Variants in RPS6KA3 observed in about 807,000 individuals in gnomAD.
RPS6KA3 encodes ribosomal protein S6 kinase alpha-3.
In RPS6KA3, 4 loss-of-function variants were observed where a neutral mutation model predicts 67.2. The ratio of observed to expected loss-of-function variants is 0.06; its 90% CI spans 0.03 to 0.14. RPS6KA3 has a LOEUF of 0.14. Ranked by LOEUF, RPS6KA3 falls within the 10% of genes least tolerant of loss-of-function variation. The pLI, the probability that RPS6KA3 is intolerant of heterozygous loss-of-function variation, is 1.00. For synonymous variants in RPS6KA3, 182 were observed against 183.7 expected (o/e 0.99, Z 0.07); for missense variants, 204 against 559.0 (o/e 0.36, Z 6.40).
At chrX:20,202,056 T>G (rs1345043803) in intron 4 of RPS6KA3, among the ~76,000 whole-genome samples, 2 of 103,154 alleles carry the variant, frequency 1.9e-5, no homozygotes, top group East Asian at 6.2e-4. Context: ...CCCGGCTCAC[T>G]GCAACCTCCG....
intron 2 of RPS6KA3, among the ~76,000 whole-genome samples, chrX:20,232,322 C>G (rs185179042): frequency 8.9e-6 from 1 of 112,511 alleles, no homozygotes; most frequent in East Asian, 2.8e-4. Context: ...CGCCTGTAAT[C>G]CCAGCACTTT....
Position 20,187,944 on chromosome X carries a change from C to T in RPS6KA3, c.658G>A (p.Asp220Asn), listed in dbSNP as rs1163126922. 1 of 1,204,728 alleles carries T rather than the reference C, an allele frequency of 8.3e-7. No individual in the cohort carries two copies. Among genetic ancestry groups the T allele is most frequent in the African/African-American group, 1.7e-5 (1 of 57,149 alleles). Residue 220 changes from aspartate to asparagine, a missense_variant, in exon 9 of 22, where the codon GAC (aspartate) becomes AAC (asparagine). Physicochemically the swap from Asp to Asn is conservative, Grantham distance 23. This residue lies in a region of RPS6KA3 where 76 missense variants were observed against 250.3 expected (regional missense o/e 0.30). Transcript: ENST00000379565. ...TDFGLSKESI[D>N]HEKKAYSFCG... ...AAAGAATATGCCTTCTTTTCATGGT[C>T]AATAGACTCTTTACTTAGGCCGAAA...
At chrX:20,203,732 T>A (rs1431714557) in intron 4 of RPS6KA3, 2 of 237,041 alleles carry the variant, frequency 8.4e-6, no homozygotes, top group Non-Finnish European at 1.5e-5. Flanking sequence ...AAAATAAATA[T>A]ATAAATTTGA....
intron 1 of RPS6KA3, among the ~76,000 whole-genome samples, chrX:20,248,471 A>G (rs1048286404): frequency 9.0e-6 from 1 of 110,968 alleles, no homozygotes; most frequent in East Asian, 2.8e-4. Context: ...AGACACTTTA[A>G]TGCTTTTTAA....
chrX:20,217,069 T>C (rs2068874686), intron 2 of RPS6KA3, among the ~76,000 whole-genome samples: 1 of 112,010 alleles, frequency 8.9e-6, no homozygotes, highest in South Asian at 3.7e-4. Context: ...AACATATACT[T>C]TTACAATTCT....
At chrX:20,232,057 G>A (rs1470665717) in intron 2 of RPS6KA3, among the ~76,000 whole-genome samples, 1 of 111,917 alleles carries the variant, frequency 8.9e-6, no homozygotes, top group Admixed American at 9.4e-5. Flanking sequence ...AATAAATAGA[G>A]GTTAGGATAA....
At chrX:20,157,875 G>A (rs938125331) in intron 20 of RPS6KA3, among the ~76,000 whole-genome samples, 3 of 111,564 alleles carry the variant, frequency 2.7e-5, no homozygotes, top group Non-Finnish European at 1.9e-5. Context: ...TAAATTTACC[G>A]TGAAGGAGAA....
intron 10 of RPS6KA3, among the ~76,000 whole-genome samples, chrX:20,183,082 C>T (rs1166629001): frequency 2.7e-5 from 3 of 111,120 alleles, no homozygotes; most frequent in African/African-American, 9.8e-5. Context: ...TCTGTCAGAT[C>T]CCTAAGTCTC....
intron 7 of RPS6KA3, 25 bp from the exon 8 acceptor site, chrX:20,188,559 T>C: frequency 1.2e-6 from 1 of 821,992 alleles, no homozygotes; most frequent in East Asian, 3.2e-5. Flanking sequence ...GAAAATCTTT[T>C]AAGAACACTA....
At chrX:20,186,843 A>AT (rs2067996468) in intron 9 of RPS6KA3, among the ~76,000 whole-genome samples, 1 of 110,734 alleles carries the variant, frequency 9.0e-6, no homozygotes, top group Non-Finnish European at 1.9e-5. Flanking sequence ...GAACTTATTT[A>AT]TTTTTTTTGA....
chrX:20,155,237 C>G lies in RPS6KA3; in HGVS notation c.*161G>C, dbSNP rs991805052. ...CTAACTTGCTAACAATCATTTAAAGCGAGAAGAGAGGAAAGCAGGAGCAGC... is the reference window on the plus strand; with the variant it reads ...CTAACTTGCTAACAATCATTTAAAGGGAGAAGAGAGGAAAGCAGGAGCAGC... On this transcript the variant is annotated 3_prime_UTR_variant, in exon 22 of 22. Transcript: ENST00000379565. 12 of 585,051 alleles carry G rather than the reference C, an allele frequency of 2.1e-5. No homozygotes were observed. The highest frequency in any genetic ancestry group is 4.5e-5 in the African/African-American group (2 of 44,545). The allele number at this position is 585,051 out of a possible 1,213,427, so 48.2% of individuals were successfully genotyped here.
chrX:20,229,104 CA>C lies in RPS6KA3; in HGVS notation c.126+5653del, dbSNP rs763230693. ...AGATCCCCAAATGCGACAACTCAAA[CA>C]AAGTAAGTGCCTTTTTTTTTTTCCC... On this transcript the variant is annotated intron_variant, in intron 2 of 21. Coordinates refer to ENST00000379565, the MANE Select transcript of RPS6KA3 (RefSeq NM_004586.3). Among the ~76,000 whole-genome samples the C allele has an allele frequency of 5.5e-5, 6 of 108,708 alleles. 1 individual carries two copies. In the Admixed American group the frequency reaches 5.8e-4, roughly 11 times the overall value. 94.4% of individuals were successfully genotyped at this position (108,708 alleles called of 115,157 possible).
intron 2 of RPS6KA3, among the ~76,000 whole-genome samples, chrX:20,230,715 A>G (rs2069238652): frequency 9.0e-6 from 1 of 111,661 alleles, no homozygotes; most frequent in African/African-American, 3.3e-5. Context: ...GCAGAAGGTT[A>G]AACTGATCTT....
At chrX:20,158,717 G>A (rs938059050) in intron 20 of RPS6KA3, among the ~76,000 whole-genome samples, 1 of 111,722 alleles carries the variant, frequency 9.0e-6, no homozygotes, top group African/African-American at 3.3e-5. Flanking sequence ...ACGTTAATGA[G>A]CTTTTGGTGA....
chrX:20,176,350 T>C lies in RPS6KA3; in HGVS notation c.1002A>G (p.Lys334=). Residue 334 remains lysine (K), a splice_region_variant and synonymous_variant, in exon 13 of 22, where the codon AAA becomes AAG. Transcript: ENST00000379565. ...GCGGATGAATTTCTCTTCTATACAG[T>C]TTCTGGAGGGGAAAAAAAAAAGAGA... ...HSFFSTIDWN[K]LYRREIHPPF... 8.6e-7 allele frequency: 1 copy of C among 1,162,029 alleles called. No individual in the cohort carries two copies.
intron 4 of RPS6KA3, among the ~76,000 whole-genome samples, chrX:20,202,376 C>T (rs912510195): frequency 9.0e-6 from 1 of 110,716 alleles, no homozygotes; most frequent in African/African-American, 3.3e-5. Flanking sequence ...GTAACAAATA[C>T]ACTAAAATTT....
Position 20,167,573 on chromosome X carries a change from T to G in RPS6KA3, c.1602+16A>C, listed in dbSNP as rs1461392820. On this transcript the variant is annotated intron_variant, in intron 17 of 21. Coordinates refer to ENST00000379565, the MANE Select transcript of RPS6KA3 (RefSeq NM_004586.3). ...AAAGTGTGTGTATGTACATATAGAG[T>G]GGTAAAAAGACTTACCCCTTGTGCG... The G allele has an allele frequency of 8.4e-7, 1 of 1,195,741 alleles. No homozygotes were observed. Among genetic ancestry groups the G allele is most frequent in the Admixed American group, 2.2e-5 (1 of 45,996 alleles).
At chrX:20,160,046 T>C (rs2067271323) in intron 20 of RPS6KA3, among the ~76,000 whole-genome samples, 1 of 112,190 alleles carries the variant, frequency 8.9e-6, no homozygotes, top group African/African-American at 3.2e-5. Context: ...CTGCATGTGC[T>C]GATCCCTCAG....
rs1210024080 is a variant in RPS6KA3 at position 20,167,613 on chromosome X, G to A, written c.1578C>T (p.Thr526=). ...CCCCTTGTGCGTGAAGATATTCAAC[G>A]GTTTTAGTTATAGTGAACAGGACAG... is the stretch of plus-strand genomic sequence containing the variant. ...ASAVLFTITK[T]VEYLHAQGVV... is the part of the protein sequence containing the mutation. The change falls in exon 17 of 22, where the codon ACC becomes ACT. Residue 526 remains threonine, a synonymous_variant. Coordinates refer to ENST00000379565, the MANE Select transcript of RPS6KA3 (RefSeq NM_004586.3). 16 of 1,208,656 alleles carry A rather than the reference G, an allele frequency of 1.3e-5. No individual in the cohort carries two copies. Among genetic ancestry groups the A allele is most frequent in the East Asian group, 5.9e-5 (2 of 33,755 alleles).
Sources: allele counts gnomAD v4.1 joint callset (sites outside exome capture counted in the v4.1 genomes callset), GRCh38; gene constraint gnomAD v4.1.1; regional missense constraint gnomAD v4.1.1; transcripts MANE v1.5; gene names NCBI Gene and HGNC (gene_info 2026-07-23, HGNC 2026-07-21).